SV2C: variants seen among roughly 807,000 people sequenced by gnomAD.
SV2C encodes the protein solute carrier family 22 member B3.
A neutral mutation model predicts 79.7 loss-of-function variants in SV2C; 49 were observed. The ratio of observed to expected loss-of-function variants is 0.61; its 90% CI spans 0.49 to 0.78. The LOEUF (loss-of-function observed/expected upper bound fraction) is 0.78. Among genes scored for constraint, SV2C ranks in the 30% least tolerant of loss-of-function variants. The pLI is 0.00. For missense variants in SV2C, 833 were observed against 912.9 expected (o/e 0.91, Z 1.13); for synonymous variants, 334 against 333.2 (o/e 1.00, Z -0.03).
At chr5:76,241,182 CT>C (rs60557642) in intron 4 of SV2C, among the ~76,000 whole-genome samples, 42,376 of 136,888 alleles carry the variant, frequency 0.31, 6,496 homozygotes, top group Non-Finnish European at 0.37. Context: ...GTCTCAATCT[CT>C]TTTTTTTTTT....
the SV2C span, among the ~76,000 whole-genome samples, chr5:76,030,289 T>TTTATTTTATTTA: frequency 6.8e-5 from 8 of 117,912 alleles, no homozygotes; most frequent in African/African-American, 3.1e-4. Context: ...TTTTTTTTTT[T>TTTATTTTATTTA]TTTATTTATT....
At chr5:76,235,168 T>G (rs1258409078) in intron 4 of SV2C, among the ~76,000 whole-genome samples, 1 of 115,268 alleles carries the variant, frequency 8.7e-6, no homozygotes, top group Admixed American at 9.8e-5. Flanking sequence ...GAATTATCCA[T>G]GGAGAAAAGG....
the SV2C span, among the ~76,000 whole-genome samples, chr5:75,863,013 A>G: frequency 6.6e-6 from 1 of 152,160 alleles, no homozygotes; most frequent in Non-Finnish European, 1.5e-5. Flanking sequence ...ATTCCAAAAT[A>G]TTTACTATTT....
the SV2C span, among the ~76,000 whole-genome samples, chr5:75,852,725 C>T: frequency 6.7e-6 from 1 of 149,754 alleles, no homozygotes; most frequent in Non-Finnish European, 1.5e-5. Flanking sequence ...ACTTGGGAGG[C>T]TGAAGCAGGA....
chr5:76,025,454 A>G, the SV2C span, among the ~76,000 whole-genome samples: 1 of 152,320 alleles, frequency 6.6e-6, no homozygotes, highest in East Asian at 1.9e-4. Flanking sequence ...TAAGGCTTTT[A>G]AAAAGCTCTA....
chr5:75,933,729 T>G, the SV2C span, among the ~76,000 whole-genome samples: 6 of 152,182 alleles, frequency 3.9e-5, no homozygotes, highest in South Asian at 1.2e-3. Context: ...CCTCCTCACT[T>G]TCCTGTCTTA....
intron 2 of SV2C, among the ~76,000 whole-genome samples, chr5:76,168,754 G>A (rs1318293464): frequency 6.6e-6 from 1 of 152,162 alleles, no homozygotes; most frequent in African/African-American, 2.4e-5. Flanking sequence ...TTCCTTTTGG[G>A]AGAATATGTA....
At chr5:76,234,893 A>C (rs1745565812) in intron 4 of SV2C, among the ~76,000 whole-genome samples, 1 of 152,206 alleles carries the variant, frequency 6.6e-6, no homozygotes, top group Non-Finnish European at 1.5e-5. Context: ...TAATCAAGAG[A>C]TAAAAGCTAG....
the SV2C span, among the ~76,000 whole-genome samples, chr5:75,958,849 C>T: frequency 1.3e-5 from 2 of 152,034 alleles, no homozygotes; most frequent in Admixed American, 6.6e-5. Flanking sequence ...AAACCCTCTC[C>T]TTGACCTTTT....
the SV2C span, among the ~76,000 whole-genome samples, chr5:75,971,607 C>G: frequency 0.021 from 3,178 of 152,122 alleles, 95 homozygotes; most frequent in African/African-American, 0.057. Flanking sequence ...ACCTAGGAAT[C>G]TAACTTACAA....
At chr5:76,037,990 G>T in the SV2C span, among the ~76,000 whole-genome samples, 3,414 of 152,254 alleles carry the variant, frequency 0.022, 118 homozygotes, top group African/African-American at 0.073. Context: ...ATTAGGGTGG[G>T]AGTGACCCGA....
chr5:76,213,358 ATATCT>A (rs1414047703), intron 4 of SV2C, among the ~76,000 whole-genome samples: 1 of 152,198 alleles, frequency 6.6e-6, no homozygotes, highest in African/African-American at 2.4e-5. Context: ...ATGACATTCT[ATATCT>A]TGAGCTGGGT....
the SV2C span, among the ~76,000 whole-genome samples, chr5:75,854,821 T>C: frequency 6.6e-6 from 1 of 152,184 alleles, no homozygotes; most frequent in East Asian, 1.9e-4. Context: ...TGCTCTCTTC[T>C]AGATGTTTTA....
intron 4 of SV2C, among the ~76,000 whole-genome samples, chr5:76,234,700 G>A (rs1745557459): frequency 1.3e-5 from 2 of 152,192 alleles, no homozygotes; most frequent in African/African-American, 2.4e-5. Flanking sequence ...TTTCATTTTA[G>A]GGAAAAGGTT....
At chr5:76,317,810 C>T (rs951146731) in intron 12 of SV2C, among the ~76,000 whole-genome samples, 25 of 151,596 alleles carry the variant, frequency 1.6e-4, no homozygotes, top group Non-Finnish European at 1.9e-4. Context: ...GCCTGGGCAA[C>T]AGAGCAAGGC....
chr5:76,088,366 T>C (rs1259161081), intron 1 of SV2C, among the ~76,000 whole-genome samples: 2 of 152,178 alleles, frequency 1.3e-5, no homozygotes, highest in Non-Finnish European at 2.9e-5. Flanking sequence ...ATAACAAAAA[T>C]ATTTTAGACT....
At chr5:76,007,280 G>A in the SV2C span, among the ~76,000 whole-genome samples, 3 of 151,616 alleles carry the variant, frequency 2.0e-5, no homozygotes, top group South Asian at 6.2e-4. Context: ...GGGAAGGGAG[G>A]CATACACAAA....
the SV2C span, among the ~76,000 whole-genome samples, chr5:76,077,457 T>A: frequency 6.6e-6 from 1 of 152,340 alleles, no homozygotes; most frequent in East Asian, 1.9e-4. Context: ...TCAAACAAAC[T>A]AATTTTTAAA....
chr5:75,956,402 G>C, the SV2C span, among the ~76,000 whole-genome samples: 2 of 116,360 alleles, frequency 1.7e-5, no homozygotes, highest in African/African-American at 3.3e-5. Flanking sequence ...GTTGTGGGGT[G>C]GGGGGAGGGG....
Sources: gnomAD v4.1 joint callset for allele counts (sites outside exome capture counted in the v4.1 genomes callset) on GRCh38, gnomAD v4.1.1 for gene constraint, MANE v1.5 for transcripts, NCBI Gene and HGNC (gene_info 2026-07-23, HGNC 2026-07-21) for gene names.